Variants in ATP2A2 observed in about 807,000 individuals in gnomAD.
The protein encoded by ATP2A2 is ATPase sarcoplasmic/endoplasmic reticulum Ca2+ transporting 2, also known as sarcoplasmic/endoplasmic reticulum calcium ATPase 2.
ATP2A2 carries 14 observed loss-of-function variants against 109.3 expected under a neutral mutation model. That is an observed-to-expected ratio of 0.13 (90% CI 0.08 to 0.20). ATP2A2 has a LOEUF of 0.20. Among genes scored for constraint, ATP2A2 ranks in the 10% least tolerant of loss-of-function variants. The pLI is 1.00. For synonymous variants in ATP2A2, 506 were observed against 490.9 expected, an observed-to-expected ratio of 1.03 and a Z score of -0.41; for missense variants, 657 against 1,321.6, an observed-to-expected ratio of 0.50 and a Z score of 7.80.
At position 110,350,355 on chromosome 12, in the gene ATP2A2, A is replaced by G. The variant is rs1375838683; in HGVS notation, c.*3885A>G. The G allele has an allele frequency of 6.2e-7, 1 of 1,614,116 alleles. No homozygotes were observed. ...AATGTAAGGGTGTTCGGTTGCGTGC[A>G]TGTGCGTTTTTAGCAACACATCTAC... On this transcript the variant is annotated 3_prime_UTR_variant, in exon 20 of 20. Transcript: ENST00000539276.
chr12:110,325,367 C>T (rs750743342), intron 6 of ATP2A2, among the ~76,000 whole-genome samples: 3 of 152,092 alleles, frequency 2.0e-5, no homozygotes, highest in Non-Finnish European at 4.4e-5. Context: ...GGCATGGTGT[C>T]TCATGCCTGT....
rs74350361 is a variant in ATP2A2 at position 110,333,861 on chromosome 12, T to C, written c.1288-151T>C. On this transcript the variant is annotated intron_variant, in intron 10 of 19. Transcript: ENST00000539276. The stretch of plus-strand genomic sequence containing the variant: ...TGTACTTTGAGTATGTTTTTAATTA[T>C]CTGGGTCACCTGTTTCAGAGGAGGA... The C allele has an allele frequency of 7.4e-3, 6,958 of 943,158 alleles. 27 individuals are homozygous for C. The highest frequency in any genetic ancestry group is 8.5e-3 in the Non-Finnish European group (5,264 of 622,340). The allele number at this position is 943,158 out of a possible 1,614,324, so 58.4% of individuals were successfully genotyped here. A position where few individuals can be genotyped will look rare whatever the true frequency, so the allele number is the denominator to read the frequency against.
chr12:110,350,023 T>C lies in ATP2A2; in HGVS notation c.*3553T>C. 7.2e-7 allele frequency: 1 copy of C among 1,382,930 alleles called. No homozygotes were observed. Among genetic ancestry groups the C allele is most frequent in the Non-Finnish European group, 9.4e-7 (1 of 1,068,922 alleles). 85.7% of individuals were successfully genotyped at this position (1,382,930 alleles called of 1,614,324 possible). On this transcript the variant is annotated 3_prime_UTR_variant, in exon 20 of 20. Transcript: ENST00000539276. ...CTTTCACAGCTGCAACGATTGTGTC[T>C]GCCTCATGGGGTTTTCCTCCAGAGC...
chr12:110,310,835 C>T (rs1875953732), intron 5 of ATP2A2, among the ~76,000 whole-genome samples: 1 of 152,202 alleles, frequency 6.6e-6, no homozygotes, highest in South Asian at 2.1e-4. Flanking sequence ...AGGAAGGAAA[C>T]TTTTACTTCA....
chr12:110,297,757 A>G (rs1441915800), intron 5 of ATP2A2, among the ~76,000 whole-genome samples: 1 of 151,988 alleles, frequency 6.6e-6, no homozygotes. Flanking sequence ...AGCTGGTACC[A>G]CAGATGCATG....
At chr12:110,298,788 A>G (rs545318566) in intron 5 of ATP2A2, among the ~76,000 whole-genome samples, 1 of 152,328 alleles carries the variant, frequency 6.6e-6, no homozygotes, top group East Asian at 1.9e-4. Flanking sequence ...TTCACTCTGT[A>G]TACACACATT....
At position 110,333,286 on chromosome 12, in the gene ATP2A2, A is replaced by C. The variant is rs376753206; in HGVS notation, c.1287+3A>C. 1 of 1,604,000 alleles carries C rather than the reference A, an allele frequency of 6.2e-7. No homozygotes were observed. The highest frequency in any genetic ancestry group is 1.1e-5 in the South Asian group (1 of 90,854). On this transcript the variant is annotated splice_donor_region_variant and intron_variant, in intron 10 of 19. Coordinates refer to ENST00000539276, the MANE Select transcript of ATP2A2 (RefSeq NM_170665.4). ...ACTCTGCTTTGGATTACAATGAGGT[A>C]AGTCTCTTCATAAATTAGAAGGAAT... is the stretch of plus-strand genomic sequence containing the variant.
chr12:110,286,503 GA>G (rs1196744105), intron 3 of ATP2A2, among the ~76,000 whole-genome samples: 1 of 152,060 alleles, frequency 6.6e-6, no homozygotes, highest in Non-Finnish European at 1.5e-5. Context: ...TTTTTAAAAA[GA>G]TTGTTTTCTC....
At chr12:110,338,689 C>T (rs1879071437) in intron 11 of ATP2A2, among the ~76,000 whole-genome samples, 1 of 152,186 alleles carries the variant, frequency 6.6e-6, no homozygotes, top group Admixed American at 6.5e-5. Flanking sequence ...CTCAGGTGAT[C>T]CACTGCACCC....
intron 5 of ATP2A2, among the ~76,000 whole-genome samples, chr12:110,300,351 CTTTTTTTTTT>C (rs34894637): frequency 1.9e-5 from 2 of 104,448 alleles, no homozygotes; most frequent in South Asian, 3.0e-4. Context: ...CCATGCCCAG[CTTTTTTTTTT>C]TTTTTTTTTT....
chr12:110,332,461 CA>C (rs1205511133), intron 8 of ATP2A2, 135 bp from the exon 9 acceptor site: 5 of 774,330 alleles, frequency 6.5e-6, no homozygotes, highest in Non-Finnish European at 1.1e-5. Flanking sequence ...GAGTGAGCCT[CA>C]GTGAGTTTTA....
intron 8 of ATP2A2, chr12:110,332,097 T>TCA: frequency 5.3e-6 from 1 of 188,206 alleles, no homozygotes; most frequent in Non-Finnish European, 1.1e-5. Flanking sequence ...GTTTGTCTTA[T>TCA]TTTACTCGGG....
At position 110,292,089 on chromosome 12, in the gene ATP2A2, A is replaced by G; in HGVS notation, c.289A>G (p.Ile97Val). 1.2e-6 allele frequency: 2 copies of G among 1,614,222 alleles called. No homozygotes were observed. The highest frequency in any genetic ancestry group is 1.7e-6 in the Non-Finnish European group (2 of 1,180,044). Residue 97 changes from isoleucine (I) to valine (V), a missense_variant, in exon 4 of 20, where the codon ATA becomes GTA. Physicochemically the swap from Ile to Val is conservative, Grantham distance 29. Around this residue, in one of 9 missense-constraint regions of ATP2A2, gnomAD observed 136 missense variants for 343.9 expected, o/e 0.40. Coordinates refer to ENST00000539276, the MANE Select transcript of ATP2A2 (RefSeq NM_170665.4). ...TGTAGAACCTTTTGTAATTTTACTC[A>G]TATTAGTAGCCAATGCAATTGTGGG... ...AFVEPFVILL[I>V]LVANAIVGVW...
Position 110,326,552 on chromosome 12 carries a change from A to G in ATP2A2, c.630+77A>G, listed in dbSNP as rs776540498. Reference sequence around the variant, plus strand: ...TCAAATGTTATGTTTTTCACTGCCAACCATCACTGGCTATCATTCTAAAGG... The same window carrying G: ...TCAAATGTTATGTTTTTCACTGCCAGCCATCACTGGCTATCATTCTAAAGG... On this transcript the variant is annotated intron_variant, in intron 7 of 19. Coordinates refer to ENST00000539276, the MANE Select transcript of ATP2A2 (RefSeq NM_170665.4). 114 of 1,274,982 alleles carry G rather than the reference A, an allele frequency of 8.9e-5. No homozygotes were observed. The South Asian group carries it at 1.1e-3, about 13-fold the overall frequency. 79.0% of individuals were successfully genotyped at this position (1,274,982 alleles called of 1,614,324 possible).
Position 110,348,213 on chromosome 12 carries a change from T to C in ATP2A2, c.*1743T>C. ...TAGTGAAAGCAAGTAACTGAACCAGTGAACTCTGGGTATCGATAGGTTCGT... is the reference window on the plus strand; with the variant it reads ...TAGTGAAAGCAAGTAACTGAACCAGCGAACTCTGGGTATCGATAGGTTCGT... On this transcript the variant is annotated 3_prime_UTR_variant, in exon 20 of 20. Transcript: ENST00000539276. The C allele has an allele frequency of 1.0e-6, 1 of 985,478 alleles. No homozygotes were observed. The highest frequency in any genetic ancestry group is 1.2e-6 in the Non-Finnish European group (1 of 829,962). The allele number at this position is 985,478 out of a possible 1,614,324, so 61.0% of individuals were successfully genotyped here.
Position 110,349,698 on chromosome 12 carries a change from G to A in ATP2A2, c.*3228G>A, listed in dbSNP as rs998542984. ...AGCATCTAGCCACTGTCCAGGGCCA[G>A]AGCATACCACGTCTGCAGTGCCTGT... On this transcript the variant is annotated 3_prime_UTR_variant, in exon 20 of 20. Transcript: ENST00000539276. 2 of 1,001,356 alleles carry A rather than the reference G, an allele frequency of 2.0e-6. No individual in the cohort carries two copies. The highest frequency in any genetic ancestry group is 1.7e-5 in the African/African-American group (1 of 57,598). The allele number at this position is 1,001,356 out of a possible 1,614,324, so 62.0% of individuals were successfully genotyped here.
chr12:110,337,805 G>A (rs55859138), intron 11 of ATP2A2, among the ~76,000 whole-genome samples: 12,276 of 152,272 alleles, frequency 0.081, 527 homozygotes, highest in Middle Eastern at 0.11. Context: ...CTATAAAAGT[G>A]TGTCTTTAAC....
At chr12:110,338,984 A>T (rs983361662) in intron 11 of ATP2A2, among the ~76,000 whole-genome samples, 4 of 152,128 alleles carry the variant, frequency 2.6e-5, no homozygotes, top group Admixed American at 6.5e-5. Context: ...TTCAGGCCCC[A>T]TGGGGCCATC....
chr12:110,316,967 T>G (rs1876732908), intron 5 of ATP2A2, among the ~76,000 whole-genome samples: 1 of 152,144 alleles, frequency 6.6e-6, no homozygotes, highest in African/African-American at 2.4e-5. Flanking sequence ...CGTTTGCCAT[T>G]TTAAAGACAG....
Sources: gnomAD v4.1 joint callset for allele counts (sites outside exome capture counted in the v4.1 genomes callset) on GRCh38, gnomAD v4.1.1 for gene constraint, gnomAD v4.1.1 regional missense constraint, MANE v1.5 for transcripts, NCBI Gene and HGNC (gene_info 2026-07-23, HGNC 2026-07-21) for gene names.